The following CD5 variants were observed in gnomAD, a reference collection of about 807,000 sequenced individuals.
CD5 encodes CD5 molecule.
CD5 carries 36 observed loss-of-function variants against 60.3 expected under a neutral mutation model. The ratio of observed to expected loss-of-function variants is 0.60; its 90% CI spans 0.46 to 0.79. The LOEUF is 0.79. Among genes scored for constraint, CD5 ranks in the 30% least tolerant of loss-of-function variants. CD5 has a pLI of 0.00. For missense variants in CD5, 540 were observed against 630.6 expected, an observed-to-expected ratio of 0.86 and a Z score of 1.54; for synonymous variants, 230 against 257.6, an observed-to-expected ratio of 0.89 and a Z score of 1.03.
the CD5 span, among the ~76,000 whole-genome samples, chr11:61,096,369 A>G: frequency 1.3e-5 from 2 of 152,380 alleles, no homozygotes; most frequent in African/African-American, 4.8e-5. Context: ...CAAGGAGCCC[A>G]AGGTCAGGAT....
chr11:61,098,178 G>A (rs557547585), upstream of CD5, among the ~76,000 whole-genome samples: 91 of 152,288 alleles, frequency 6.0e-4, no homozygotes, highest in African/African-American at 2.1e-3. Context: ...TATAATAGGA[G>A]TTTTAATAGT....
chr11:61,121,963 G>C, intron 6 of CD5, 59 bp downstream of exon 6: 1 of 1,428,236 alleles, frequency 7.0e-7, no homozygotes, highest in Admixed American at 2.3e-5. Flanking sequence ...TCTAGGACCC[G>C]GTCAGGGTGC....
At chr11:61,100,251 T>A (rs1254106805), upstream of CD5, among the ~76,000 whole-genome samples, 5 of 94,724 alleles carry the variant, frequency 5.3e-5, no homozygotes, top group African/African-American at 1.5e-4. Flanking sequence ...CACACACACA[T>A]CAACATGGAG....
At chr11:61,102,439 G>GT, upstream of CD5, 31 of 355,604 alleles carry the variant, frequency 8.7e-5, no homozygotes, top group Non-Finnish European at 1.1e-4. Flanking sequence ...CCTGCTCCCC[G>GT]TCCCACCCCT....
Position 61,121,681 on chromosome 11 carries a change from C to A in CD5, c.876C>A (p.Arg292=). The A allele has an allele frequency of 6.3e-7, 1 of 1,589,730 alleles. No homozygotes were observed. Among genetic ancestry groups the A allele is most frequent in the South Asian group, 1.1e-5 (1 of 89,084 alleles). The part of the protein sequence containing the change: ...SSICEGTVEV[R]QGAQWAALCD... ...TCTGTGAAGGCACCGTGGAGGTGCGCCAGGGGGCTCAGTGGGCAGCCCTGT... is the reference window on the plus strand; with the variant it reads ...TCTGTGAAGGCACCGTGGAGGTGCGACAGGGGGCTCAGTGGGCAGCCCTGT... Residue 292 remains arginine, a synonymous_variant, in exon 6 of 11, where the codon CGC becomes CGA. Coordinates refer to ENST00000347785, the MANE Select transcript of CD5 (RefSeq NM_014207.4).
At chr11:61,103,031 G>T (rs371002592) in intron 1 of CD5, among the ~76,000 whole-genome samples, 3 of 152,174 alleles carry the variant, frequency 2.0e-5, no homozygotes, top group African/African-American at 7.2e-5. Flanking sequence ...ATGGAAACTC[G>T]CCGTCTCCGA....
upstream of CD5, among the ~76,000 whole-genome samples, chr11:61,099,811 C>A (rs1485449773): frequency 7.9e-5 from 12 of 151,358 alleles, no homozygotes; most frequent in East Asian, 2.3e-3. Flanking sequence ...GGGGATTACA[C>A]ACACATCAAC....
upstream of CD5, among the ~76,000 whole-genome samples, chr11:61,098,917 A>G (rs57564582): frequency 0.32 from 49,290 of 152,180 alleles, 10,276 homozygotes; most frequent in African/African-American, 0.59. Context: ...CCCAGGCCCT[A>G]GTGGACCTGG....
chr11:61,100,057 C>T (rs969245410), upstream of CD5, among the ~76,000 whole-genome samples: 6 of 69,900 alleles, frequency 8.6e-5, no homozygotes, highest in African/African-American at 2.7e-4. Flanking sequence ...CACACACACA[C>T]ATCAACATGG....
At chr11:61,104,754 A>C (rs1860754457) in intron 1 of CD5, among the ~76,000 whole-genome samples, 1 of 152,244 alleles carries the variant, frequency 6.6e-6, no homozygotes, top group African/African-American at 2.4e-5. Flanking sequence ...CAGCCAATGA[A>C]GTAGGTGGGC....
intron 8 of CD5, among the ~76,000 whole-genome samples, chr11:61,124,822 CA>C (rs1565187918): frequency 1.3e-5 from 2 of 152,062 alleles, no homozygotes; most frequent in East Asian, 3.9e-4. Flanking sequence ...CTGGGTTACC[CA>C]AACCTGCTCT....
intron 2 of CD5, among the ~76,000 whole-genome samples, chr11:61,115,456 G>A (rs899005712): frequency 2.6e-5 from 4 of 152,148 alleles, no homozygotes; most frequent in Admixed American, 6.5e-5. Context: ...TGTTTAGAGC[G>A]GAGTCTGCAG....
chr11:61,116,554 A>T (rs1283081384), intron 2 of CD5, among the ~76,000 whole-genome samples: 1 of 66,966 alleles, frequency 1.5e-5, no homozygotes. Flanking sequence ...CACACACACC[A>T]CACACACCAC....
chr11:61,102,742 T>A, intron 1 of CD5, 127 bp downstream of exon 1: 1 of 812,948 alleles, frequency 1.2e-6, no homozygotes, highest in Non-Finnish European at 2.0e-6. Flanking sequence ...TGTGGAGATT[T>A]GGGGCCACTG....
chr11:61,111,738 T>C (rs968620643), intron 1 of CD5, among the ~76,000 whole-genome samples: 1 of 152,242 alleles, frequency 6.6e-6, no homozygotes, highest in Non-Finnish European at 1.5e-5. Flanking sequence ...TCTGTGCTCC[T>C]GGACAGGGAA....
At chr11:61,103,550 GTGTC>G (rs1480026682) in intron 1 of CD5, among the ~76,000 whole-genome samples, 1 of 152,136 alleles carries the variant, frequency 6.6e-6, no homozygotes, top group East Asian at 1.9e-4. Flanking sequence ...GCATGTGTGT[GTGTC>G]TGTGTGCATG....
chr11:61,105,768 C>T (rs1860768381), intron 1 of CD5, among the ~76,000 whole-genome samples: 1 of 152,190 alleles, frequency 6.6e-6, no homozygotes, highest in Non-Finnish European at 1.5e-5. Context: ...GGGACCAAGG[C>T]AGGAGTCCCT....
the CD5 span, among the ~76,000 whole-genome samples, chr11:61,094,003 C>T: frequency 2.0e-5 from 3 of 152,136 alleles, no homozygotes; most frequent in African/African-American, 7.2e-5. Context: ...CCCCTTCCTT[C>T]TTTAACTTGG....
intron 10 of CD5, 148 bp downstream of exon 10, chr11:61,125,989 G>T: frequency 2.1e-6 from 1 of 479,536 alleles, no homozygotes; most frequent in East Asian, 3.2e-5. Context: ...TAAAGGGAAA[G>T]ACAAACGTCA....
Sources: gnomAD v4.1 joint callset for allele counts (sites outside exome capture counted in the v4.1 genomes callset) on GRCh38, gnomAD v4.1.1 for gene constraint, MANE v1.5 for transcripts, NCBI Gene and HGNC (gene_info 2026-07-23, HGNC 2026-07-21) for gene names.